The following ASPH variants were observed in gnomAD, a reference collection of about 807,000 sequenced individuals.
The protein encoded by ASPH is aspartyl/asparaginyl beta-hydroxylase.
ASPH carries 100 observed loss-of-function variants against 118.4 expected under a neutral mutation model. That is an observed-to-expected ratio of 0.84 (90% confidence interval 0.72 to 1.00). The LOEUF is 1.00. Ranked by LOEUF, ASPH falls within the 50% of genes least tolerant of loss-of-function variation. The pLI is 0.00. For synonymous variants in ASPH, 315 were observed against 325.6 expected, an observed-to-expected ratio of 0.97 and a Z score of 0.35; for missense variants, 920 against 919.5, an observed-to-expected ratio of 1.00 and a Z score of -0.01.
intron 21 of ASPH, among the ~76,000 whole-genome samples, chr8:61,542,459 T>C (rs1822303040): frequency 6.6e-6 from 1 of 152,228 alleles, no homozygotes; most frequent in South Asian, 2.1e-4. Context: ...TTTCAATTTA[T>C]TGCTAACATA....
At chr8:61,672,295 G>A (rs1333173444) in intron 3 of ASPH, among the ~76,000 whole-genome samples, 2 of 152,030 alleles carry the variant, frequency 1.3e-5, no homozygotes, top group Non-Finnish European at 2.9e-5. Context: ...AGTAAGTGGG[G>A]AACGGAGGAT....
chr8:61,548,986 G>A (rs1192999919), intron 20 of ASPH, among the ~76,000 whole-genome samples: 1 of 152,070 alleles, frequency 6.6e-6, no homozygotes, highest in Non-Finnish European at 1.5e-5. Context: ...GCTCTCCAAG[G>A]AGCCCTGCCC....
At chr8:61,670,124 C>T (rs1184009750) in intron 3 of ASPH, among the ~76,000 whole-genome samples, 1 of 151,792 alleles carries the variant, frequency 6.6e-6, no homozygotes, top group Non-Finnish European at 1.5e-5. Context: ...ACAATTATTA[C>T]ATTCAGTTTC....
intron 16 of ASPH, among the ~76,000 whole-genome samples, chr8:61,576,188 C>A (rs1835074383): frequency 6.6e-6 from 1 of 152,156 alleles, no homozygotes; most frequent in South Asian, 2.1e-4. Context: ...GCAAAACAGA[C>A]ATTCCCAGGG....
intron 14 of ASPH, among the ~76,000 whole-genome samples, chr8:61,608,676 G>C (rs773672672): frequency 9.2e-5 from 14 of 152,170 alleles, no homozygotes; most frequent in Non-Finnish European, 1.6e-4. Context: ...CTGATACACA[G>C]ACCAGACTGA....
chr8:61,586,032 G>T (rs1222190914), intron 14 of ASPH, among the ~76,000 whole-genome samples: 2 of 152,290 alleles, frequency 1.3e-5, no homozygotes, highest in South Asian at 2.1e-4. Flanking sequence ...AAATCTATTT[G>T]TTCTGTTTCT....
intron 14 of ASPH, among the ~76,000 whole-genome samples, chr8:61,618,403 T>C (rs1849762716): frequency 6.6e-6 from 1 of 152,188 alleles, no homozygotes; most frequent in Non-Finnish European, 1.5e-5. Context: ...GTAATAAACT[T>C]TGTAATAAAC....
chr8:61,618,940 C>T, intron 14 of ASPH, 38 bp downstream of exon 14: 1 of 1,514,196 alleles, frequency 6.6e-7, no homozygotes, highest in Non-Finnish European at 9.1e-7. Context: ...TTCTTTTCCC[C>T]ATGTATATTT....
At chr8:61,644,567 C>T (rs763373844) in intron 7 of ASPH, 33 bp downstream of exon 7, 13 of 1,532,626 alleles carry the variant, frequency 8.5e-6, no homozygotes, top group Non-Finnish European at 1.1e-5. Context: ...AAGACTCACT[C>T]TAATTAAGAA....
At chr8:61,693,333 C>T (rs1357503677) in intron 1 of ASPH, among the ~76,000 whole-genome samples, 5 of 152,162 alleles carry the variant, frequency 3.3e-5, no homozygotes, top group East Asian at 3.8e-4. Context: ...ATGACACAAG[C>T]GGCCATCCTA....
At chr8:61,578,544 G>A in intron 15 of ASPH, 2 of 1,539,646 alleles carry the variant, frequency 1.3e-6, no homozygotes, top group South Asian at 1.1e-5. Context: ...CACAGACAAG[G>A]TACGGTTCCT....
At chr8:61,675,843 T>C in intron 3 of ASPH, 3 of 1,330,944 alleles carry the variant, frequency 2.3e-6, no homozygotes, top group Non-Finnish European at 2.9e-6. Flanking sequence ...CAGTGTACTT[T>C]GTAGCTGACT....
chr8:61,567,912 T>C (rs999724480), intron 16 of ASPH, among the ~76,000 whole-genome samples: 2 of 152,010 alleles, frequency 1.3e-5, no homozygotes, highest in South Asian at 2.1e-4. Flanking sequence ...ATCAGGATAA[T>C]TGGGGAGGGC....
intron 6 of ASPH, among the ~76,000 whole-genome samples, chr8:61,645,498 T>G (rs1807463301): frequency 6.6e-6 from 1 of 152,168 alleles, no homozygotes; most frequent in Non-Finnish European, 1.5e-5. Flanking sequence ...TGGAAATCAT[T>G]TTATCAGTAT....
intron 1 of ASPH, among the ~76,000 whole-genome samples, chr8:61,694,355 A>T (rs928275335): frequency 1.3e-5 from 2 of 152,074 alleles, no homozygotes; most frequent in Admixed American, 1.3e-4. Context: ...CCCATCACAG[A>T]TGAAATTCTC....
chr8:61,608,700 G>A (rs954229052), intron 14 of ASPH, among the ~76,000 whole-genome samples: 20 of 152,102 alleles, frequency 1.3e-4, no homozygotes, highest in African/African-American at 4.6e-4. Flanking sequence ...GGTCAGCAGC[G>A]TATCTTAACT....
chr8:61,521,572 T>C (rs976034502), intron 22 of ASPH, among the ~76,000 whole-genome samples: 12 of 152,212 alleles, frequency 7.9e-5, no homozygotes, highest in South Asian at 4.1e-4. Flanking sequence ...TTTTGTTGCA[T>C]TGTAAGTTAG....
In ASPH at chr8:61,567,368, G is replaced by T. The variant is rs764152094; in HGVS notation, c.1150-50C>A. ...AAATGTCCCATGACTAGCTGTGTTT[G>T]TAATTACCCAAAATATTCATAAAAA... On this transcript the variant is annotated intron_variant, in intron 16 of 24. Transcript: ENST00000379454. 2.0e-6 allele frequency: 3 copies of T among 1,531,030 alleles called. No homozygotes were observed. The South Asian group carries it at 3.7e-5, about 19-fold the overall frequency. The allele number at this position is 1,531,030 out of a possible 1,614,324, so 94.8% of individuals were successfully genotyped here.
intron 22 of ASPH, among the ~76,000 whole-genome samples, chr8:61,519,242 T>C (rs1456307990): frequency 6.6e-6 from 1 of 152,206 alleles, no homozygotes; most frequent in African/African-American, 2.4e-5. Flanking sequence ...TTTGTATATA[T>C]ATAGTAAATG....
Sources: allele counts gnomAD v4.1 joint callset (sites outside exome capture counted in the v4.1 genomes callset), GRCh38; gene constraint gnomAD v4.1.1; transcripts MANE v1.5; gene names NCBI Gene and HGNC (gene_info 2026-07-23, HGNC 2026-07-21).